NRG1: variants seen among roughly 807,000 people sequenced by gnomAD.
The protein encoded by NRG1 is neuregulin 1, also known as pro-neuregulin-1, membrane-bound isoform.
In NRG1, 18 loss-of-function variants were observed where a neutral mutation model predicts 63.8. The observed-to-expected ratio is 0.28, with a 90% CI of 0.19 to 0.42. NRG1 has a LOEUF of 0.42. NRG1 is among the 10% of genes least tolerant of loss of function. The probability of loss-of-function intolerance (pLI) is 1.00; values close to 1 mark genes in which losing one functional copy is unlikely to be tolerated. For missense variants in NRG1, 762 were observed against 814.7 expected (o/e 0.94, Z 0.79); for synonymous variants, 302 against 301.3 (o/e 1.00, Z -0.02).
intron 1 of NRG1, among the ~76,000 whole-genome samples, chr8:31,798,281 C>T (rs1416627780): frequency 1.3e-5 from 2 of 152,094 alleles, no homozygotes; most frequent in Non-Finnish European, 2.9e-5. Flanking sequence ...CTGATTTGAT[C>T]ATTATGCATT....
chr8:32,246,856 T>C (rs1848635723), intron 1 of NRG1, among the ~76,000 whole-genome samples: 1 of 152,006 alleles, frequency 6.6e-6, no homozygotes, highest in African/African-American at 2.4e-5. Flanking sequence ...ATAAAATCTT[T>C]ATTAGGAGGA....
chr8:32,731,487 C>A (rs113986724), intron 6 of NRG1, among the ~76,000 whole-genome samples: 2,628 of 151,656 alleles, frequency 0.017, 42 homozygotes, highest in Non-Finnish European at 0.024. Context: ...AAATCTTTGA[C>A]ATCTATGATT....
At chr8:32,307,265 A>T (rs1793282946) in intron 1 of NRG1, among the ~76,000 whole-genome samples, 1 of 152,160 alleles carries the variant, frequency 6.6e-6, no homozygotes, top group South Asian at 2.1e-4. Flanking sequence ...CCACTCCTTG[A>T]TGCAAATCAA....
chr8:32,113,204 A>G (rs921418029), intron 1 of NRG1, among the ~76,000 whole-genome samples: 5 of 152,168 alleles, frequency 3.3e-5, no homozygotes, highest in African/African-American at 1.2e-4. Flanking sequence ...TGGCATTTGC[A>G]CTGGCTGCTA....
chr8:32,760,374 T>C (rs753361512), exon 11 of NRG1: 5 of 1,613,914 alleles, frequency 3.1e-6, no homozygotes, highest in Non-Finnish European at 3.4e-6. Flanking sequence ...GAGAAACCCC[T>C]GATTCCTACC....
At chr8:31,942,187 A>G (rs1212343059) in intron 1 of NRG1, among the ~76,000 whole-genome samples, 1 of 152,206 alleles carries the variant, frequency 6.6e-6, no homozygotes, top group Non-Finnish European at 1.5e-5. Context: ...GTATAAAAAT[A>G]GGTGCATAGA....
chr8:32,737,539 A>G (rs181170115), intron 6 of NRG1, among the ~76,000 whole-genome samples: 4 of 146,458 alleles, frequency 2.7e-5, no homozygotes, highest in African/African-American at 8.0e-5. Flanking sequence ...TGACAGAGCG[A>G]GACTCCGTCT....
chr8:32,541,505 A>G (rs1395465104), intron 1 of NRG1, among the ~76,000 whole-genome samples: 1 of 98,418 alleles, frequency 1.0e-5, no homozygotes, highest in African/African-American at 3.7e-5. Flanking sequence ...TGGAACATAC[A>G]GGAAAAAAAA....
chr8:32,480,167 G>A (rs1197979174), intron 1 of NRG1, among the ~76,000 whole-genome samples: 4 of 152,140 alleles, frequency 2.6e-5, no homozygotes, highest in Non-Finnish European at 4.4e-5. Flanking sequence ...AGCAGAGCAC[G>A]TGGTCCCAGC....
At chr8:31,832,249 G>GTTTTTT (rs5890599) in intron 1 of NRG1, among the ~76,000 whole-genome samples, 29 of 136,140 alleles carry the variant, frequency 2.1e-4, no homozygotes, top group Non-Finnish European at 1.9e-4. Flanking sequence ...AAATGCTCTA[G>GTTTTTT]TTTTTTTTTT....
intron 1 of NRG1, among the ~76,000 whole-genome samples, chr8:32,296,667 A>C (rs1166767827): frequency 6.6e-6 from 1 of 151,514 alleles, no homozygotes; most frequent in East Asian, 2.0e-4. Flanking sequence ...TTATGTTGCC[A>C]TTATTTGGGC....
intron 1 of NRG1, among the ~76,000 whole-genome samples, chr8:32,403,304 A>G (rs900388731): frequency 6.7e-6 from 1 of 149,792 alleles, no homozygotes; most frequent in African/African-American, 2.4e-5. Flanking sequence ...TGTCTCAAAA[A>G]AAAAAAAAAA....
chr8:32,645,757 A>G (rs1014571716), intron 5 of NRG1, among the ~76,000 whole-genome samples: 15 of 152,342 alleles, frequency 9.8e-5, no homozygotes, highest in East Asian at 9.6e-4. Context: ...TAGATGTCCA[A>G]TCACAGTAAG....
At chr8:31,646,814 C>T (rs1165163222) in intron 1 of NRG1, among the ~76,000 whole-genome samples, 2 of 152,304 alleles carry the variant, frequency 1.3e-5, no homozygotes, top group Non-Finnish European at 2.9e-5. Context: ...TTTTTCTCTT[C>T]TCATCTCTGA....
chr8:31,663,098 G>T (rs1404360599), intron 1 of NRG1, among the ~76,000 whole-genome samples: 1 of 152,112 alleles, frequency 6.6e-6, no homozygotes, highest in Non-Finnish European at 1.5e-5. Context: ...GGACACCAGG[G>T]GTCTGTATGT....
chr8:32,616,506 G>C lies in NRG1; in HGVS notation c.452-329G>C, dbSNP rs180864737. 1.3e-3 allele frequency among the ~76,000 whole-genome samples: 203 copies of C among 152,234 alleles called. 3 individuals are homozygous for C. Among genetic ancestry groups the C allele is most frequent in the East Asian group, 3.9e-3 (20 of 5,168 alleles). On this transcript the variant is annotated intron_variant, in intron 4 of 11. Coordinates refer to ENST00000356819, the Ensembl canonical transcript of NRG1. ...TTTTCTCAAAATCAAGACCACATCT[G>C]AAAGAAGGAATTTTCTTTCTCACCT...
intron 1 of NRG1, among the ~76,000 whole-genome samples, chr8:32,219,589 A>T (rs1009526738): frequency 6.6e-6 from 1 of 152,164 alleles, no homozygotes; most frequent in Non-Finnish European, 1.5e-5. Flanking sequence ...CTGTTCATAC[A>T]CATTTGGGAG....
intron 1 of NRG1, among the ~76,000 whole-genome samples, chr8:31,947,306 CAAAAAAAAAAAAA>C (rs61713691): frequency 0.013 from 1,711 of 132,634 alleles, 25 homozygotes; most frequent in East Asian, 0.13. Flanking sequence ...GACTCCGTCT[CAAAAAAAAAAAAA>C]AAAAAAAAAA....
At chr8:32,120,270 C>T (rs961783496) in intron 1 of NRG1, among the ~76,000 whole-genome samples, 1 of 151,940 alleles carries the variant, frequency 6.6e-6, no homozygotes, top group Non-Finnish European at 1.5e-5. Flanking sequence ...TACTTCATGC[C>T]TTTTAAAAAA....
Sources: allele counts gnomAD v4.1 joint callset (sites outside exome capture counted in the v4.1 genomes callset), GRCh38; gene constraint gnomAD v4.1.1; transcripts MANE v1.5; gene names NCBI Gene and HGNC (gene_info 2026-07-23, HGNC 2026-07-21).